Variants in LRRC31 observed in about 807,000 individuals in gnomAD.
The protein encoded by LRRC31 is leucine-rich repeat-containing protein 31.
LRRC31 carries 35 observed loss-of-function variants against 46.7 expected under a neutral mutation model. That is an observed-to-expected ratio of 0.75 (90% confidence interval 0.57 to 0.99). LRRC31 has a LOEUF of 0.99. LRRC31 is among the 50% of genes least tolerant of loss of function. The pLI is 0.00. For missense variants in LRRC31, 613 were observed against 626.1 expected (o/e 0.98, Z 0.22); for synonymous variants, 236 against 235.1 (o/e 1.00, Z -0.03).
chr3:169,851,490 A>G lies in LRRC31; in HGVS notation c.1159+129T>C. On this transcript the variant is annotated intron_variant, in intron 7 of 8. Coordinates refer to ENST00000316428, the MANE Select transcript of LRRC31 (RefSeq NM_024727.4). ...TTCAGAAGGTCACTTTTAAGAAGGCATATGTCCTGAAAAGAAGACAAATTA... is the reference window on the plus strand; with the variant it reads ...TTCAGAAGGTCACTTTTAAGAAGGCGTATGTCCTGAAAAGAAGACAAATTA... 11 of 813,172 alleles carry G rather than the reference A, an allele frequency of 1.4e-5. No individual in the cohort carries two copies. In the South Asian group the frequency reaches 1.7e-4, roughly 13 times the overall value. 50.4% of individuals were successfully genotyped at this position (813,172 alleles called of 1,614,324 possible). A position where few individuals can be genotyped will look rare whatever the true frequency, so the allele number is the denominator to read the frequency against.
intron 1 of LRRC31, among the ~76,000 whole-genome samples, chr3:169,865,260 A>G (rs1781296273): frequency 6.6e-6 from 1 of 151,110 alleles, no homozygotes; most frequent in Non-Finnish European, 1.5e-5. Context: ...AAAAAAAAAA[A>G]AAAGAAAAAT....
At chr3:169,867,726 T>C (rs914255791) in intron 1 of LRRC31, among the ~76,000 whole-genome samples, 1 of 152,264 alleles carries the variant, frequency 6.6e-6, no homozygotes, top group Non-Finnish European at 1.5e-5. Context: ...TTTTTGCATA[T>C]GCTTAAAATG....
chr3:169,846,439 C>G (rs969002640), intron 8 of LRRC31, among the ~76,000 whole-genome samples: 2 of 152,142 alleles, frequency 1.3e-5, no homozygotes, highest in African/African-American at 4.8e-5. Context: ...CACCTGAGGT[C>G]AGGTGTTTGA....
intron 8 of LRRC31, among the ~76,000 whole-genome samples, chr3:169,845,436 T>C (rs949722755): frequency 1.3e-5 from 2 of 152,170 alleles, no homozygotes; most frequent in African/African-American, 2.4e-5. Flanking sequence ...AGAATACTTA[T>C]ACTACTTCAT....
chr3:169,856,886 G>A lies in LRRC31; in HGVS notation c.488-14C>T. 6.3e-7 allele frequency: 1 copy of A among 1,591,158 alleles called. No individual in the cohort carries two copies. Among genetic ancestry groups the A allele is most frequent in the Non-Finnish European group, 8.6e-7 (1 of 1,167,950 alleles). On this transcript the variant is annotated splice_polypyrimidine_tract_variant and intron_variant, in intron 3 of 8. Transcript: ENST00000316428. ...CAAATGCTTCTCCTGTTAACAAATG[G>A]CCCGAAAATTCTGTTGGTCACTAGT...
In LRRC31 at chr3:169,869,788, T is replaced by C; in HGVS notation, c.20A>G (p.Lys7Arg). The change falls in exon 1 of 9, where the codon AAA becomes AGA. Residue 7 changes from lysine to arginine, a missense_variant. Coordinates refer to ENST00000316428, the MANE Select transcript of LRRC31 (RefSeq NM_024727.4). Reference protein sequence around the residue: MSQTRKKTSSEGETKPQ... With the variant: MSQTRKRTSSEGETKPQ... The stretch of plus-strand genomic sequence containing the variant: ...CTTAGTTTCTCCTTCTGAGGAAGTT[T>C]TCTTCCTTGTTTGACTCATGGTGAA... The C allele has an allele frequency of 6.2e-7, 1 of 1,612,612 alleles. No homozygotes were observed. The highest frequency in any genetic ancestry group is 8.5e-7 in the Non-Finnish European group (1 of 1,179,578).
At position 169,853,497 on chromosome 3, in the gene LRRC31, C is replaced by T. The variant is rs543713708; in HGVS notation, c.991+1316G>A. On this transcript the variant is annotated intron_variant, in intron 6 of 8. Transcript: ENST00000316428. Reference sequence around the variant, plus strand: ...AGTGGGAACAATTGAGGTTCTCCAGCACTGAGGAGCAAAATGAGATGTGGT... The same window carrying T: ...AGTGGGAACAATTGAGGTTCTCCAGTACTGAGGAGCAAAATGAGATGTGGT... The T allele has an allele frequency of 5.1e-6, 5 of 985,652 alleles. No homozygotes were observed. In the South Asian group the frequency reaches 1.9e-4, roughly 37 times the overall value. 61.1% of individuals were successfully genotyped at this position (985,652 alleles called of 1,614,324 possible).
At chr3:169,842,006 C>T (rs530187116) in intron 8 of LRRC31, among the ~76,000 whole-genome samples, 1 of 152,038 alleles carries the variant, frequency 6.6e-6, no homozygotes, top group Non-Finnish European at 1.5e-5. Flanking sequence ...GATCGTGCCA[C>T]TGCACTCTAG....
intron 8 of LRRC31, among the ~76,000 whole-genome samples, chr3:169,843,196 G>C (rs932123964): frequency 6.6e-6 from 1 of 152,224 alleles, no homozygotes; most frequent in African/African-American, 2.4e-5. Flanking sequence ...TTTAAAGTGT[G>C]AGAGGCACGG....
chr3:169,855,811 G>T (rs116532235), intron 5 of LRRC31, among the ~76,000 whole-genome samples: 1 of 151,848 alleles, frequency 6.6e-6, no homozygotes, highest in African/African-American at 2.4e-5. Flanking sequence ...AAATATACTG[G>T]CCTTTTCAGA....
chr3:169,867,993 T>C (rs1432917546), intron 1 of LRRC31, among the ~76,000 whole-genome samples: 2 of 152,228 alleles, frequency 1.3e-5, no homozygotes, highest in African/African-American at 2.4e-5. Context: ...TGGAATATTA[T>C]GCAACCATGA....
chr3:169,854,275 G>A (rs534733893), intron 6 of LRRC31, among the ~76,000 whole-genome samples: 9 of 152,310 alleles, frequency 5.9e-5, no homozygotes, highest in East Asian at 5.8e-4. Flanking sequence ...TCAAGGCTAC[G>A]CTTGCTCTGT....
In LRRC31 at chr3:169,851,632, A is replaced by G. The variant is rs1462094119; in HGVS notation, c.1146T>C (p.Thr382=). ...GAAATCTCTTACCAAGAGCTGTAAA[A>G]GTCTCACTCTCCAAAGCACAGTTGT... ...VINNCALESE[T]FTALAEASVH... The change falls in exon 7 of 9, where the codon ACT becomes ACC. Residue 382 remains threonine (T), a synonymous_variant. Coordinates refer to ENST00000316428, the MANE Select transcript of LRRC31 (RefSeq NM_024727.4). 1 of 1,613,654 alleles carries G rather than the reference A, an allele frequency of 6.2e-7. No homozygotes were observed. Among genetic ancestry groups the G allele is most frequent in the African/African-American group, 1.3e-5 (1 of 74,832 alleles).
Position 169,848,182 on chromosome 3 carries a change from A to C in LRRC31, c.1265T>G (p.Met422Arg). Residue 422 changes from methionine to arginine, a missense_variant, in exon 8 of 9, where the codon ATG becomes AGG. Physicochemically the swap from Met to Arg is moderately conservative, Grantham distance 91 (BLOSUM62 -1). Coordinates refer to ENST00000316428, the MANE Select transcript of LRRC31 (RefSeq NM_024727.4). The stretch of plus-strand genomic sequence containing the variant: ...GCTCAGCCTCAGCACTTGAAGAGAC[A>C]TGGAAAGCTTTAGTGTTTCCAGAAG... ...KLLLETLKLSMSLQVLRLSSC... is the reference protein window; with the variant it reads ...KLLLETLKLSRSLQVLRLSSC... The C allele has an allele frequency of 6.2e-7, 1 of 1,614,224 alleles. No homozygotes were observed. Among genetic ancestry groups the C allele is most frequent in the Non-Finnish European group, 8.5e-7 (1 of 1,180,040 alleles).
chr3:169,863,183 AG>A (rs1781227066), intron 1 of LRRC31, among the ~76,000 whole-genome samples: 1 of 152,186 alleles, frequency 6.6e-6, no homozygotes, highest in African/African-American at 2.4e-5. Flanking sequence ...ATGGCAGGCC[AG>A]GTGCCAGCAT....
In LRRC31 at chr3:169,851,617, A is replaced by G; in HGVS notation, c.1159+2T>C. Reference sequence around the variant, plus strand: ...CCTGCAGGGATCTGGGAAATCTCTTACCAAGAGCTGTAAAAGTCTCACTCT... The same window carrying G: ...CCTGCAGGGATCTGGGAAATCTCTTGCCAAGAGCTGTAAAAGTCTCACTCT... On this transcript the variant is annotated splice_donor_variant, in intron 7 of 8. Transcript: ENST00000316428. LOFTEE classifies it high-confidence loss of function. 1.2e-6 allele frequency: 2 copies of G among 1,612,760 alleles called. No homozygotes were observed. The highest frequency in any genetic ancestry group is 1.7e-6 in the Non-Finnish European group (2 of 1,179,498).
chr3:169,857,214 G>A (rs1401909657), intron 3 of LRRC31, among the ~76,000 whole-genome samples: 18 of 150,376 alleles, frequency 1.2e-4, no homozygotes, highest in Non-Finnish European at 3.0e-5. Context: ...CTCTCTCTGG[G>A]ATCAGCATTT....
chr3:169,860,524 G>T lies in LRRC31; in HGVS notation c.487+37C>A, dbSNP rs760652695. 2.5e-6 allele frequency: 4 copies of T among 1,610,274 alleles called. No individual in the cohort carries two copies. The East Asian group carries it at 8.9e-5, about 36-fold the overall frequency. On this transcript the variant is annotated intron_variant, in intron 3 of 8. Transcript: ENST00000316428. ...ATTACAGCTGTGAGCCACGGCGCCC[G>T]GCCGAATCCATCTTTTAAGAAATGC...
At chr3:169,866,777 A>T (rs1781344911) in intron 1 of LRRC31, among the ~76,000 whole-genome samples, 1 of 152,016 alleles carries the variant, frequency 6.6e-6, no homozygotes, top group Non-Finnish European at 1.5e-5. Flanking sequence ...CTGGCCCACA[A>T]GGTGAAATTC....
Sources: gnomAD v4.1 joint callset for allele counts (sites outside exome capture counted in the v4.1 genomes callset) on GRCh38, gnomAD v4.1.1 for gene constraint, MANE v1.5 for transcripts, NCBI Gene and HGNC (gene_info 2026-07-23, HGNC 2026-07-21) for gene names.